Variants in LARP1B observed in about 807,000 individuals in gnomAD.
LARP1B encodes the protein la-related protein 1B.
Under a neutral mutation model 114.2 loss-of-function variants are expected in LARP1B, and 76 were observed. That is an observed-to-expected ratio of 0.67 (90% CI 0.55 to 0.81). LARP1B has a LOEUF of 0.81. Ranked by LOEUF, LARP1B falls within the 30% of genes least tolerant of loss-of-function variation. The probability of loss-of-function intolerance (pLI) is 0.00; values close to 1 mark genes in which losing one functional copy is unlikely to be tolerated. For missense variants in LARP1B, 1,014 were observed against 1,075.8 expected, an observed-to-expected ratio of 0.94 and a Z score of 0.80; for synonymous variants, 345 against 348.0, an observed-to-expected ratio of 0.99 and a Z score of 0.10.
At chr4:128,137,400 T>C (rs1019505615) in intron 11 of LARP1B, among the ~76,000 whole-genome samples, 1 of 152,216 alleles carries the variant, frequency 6.6e-6, no homozygotes, top group Non-Finnish European at 1.5e-5. Flanking sequence ...TTCCTATACA[T>C]TACATGCTTA....
At chr4:128,220,617 T>C (rs1265522653) in intron 7 of LARP1B, among the ~76,000 whole-genome samples, 3 of 152,352 alleles carry the variant, frequency 2.0e-5, no homozygotes, top group Admixed American at 2.0e-4. Flanking sequence ...TTAGTAAATA[T>C]ATATGATAAC....
intron 15 of LARP1B, among the ~76,000 whole-genome samples, chr4:128,188,930 G>C (rs1751281106): frequency 6.6e-6 from 1 of 152,096 alleles, no homozygotes; most frequent in Admixed American, 6.6e-5. Flanking sequence ...TTTTATCCTG[G>C]AGAATGTTCC....
intron 17 of LARP1B, 145 bp downstream of exon 17, chr4:128,200,810 G>A (rs1310421134): frequency 1.5e-5 from 8 of 541,578 alleles, no homozygotes; most frequent in African/African-American, 2.0e-5. Flanking sequence ...AACCGTGAAA[G>A]TAGCACAATA....
At chr4:128,081,012 T>C (rs1434517084) in intron 4 of LARP1B, among the ~76,000 whole-genome samples, 1 of 151,780 alleles carries the variant, frequency 6.6e-6, no homozygotes, top group Non-Finnish European at 1.5e-5. Context: ...AATTTTAAAT[T>C]AAACAGATTT....
intron 9 of LARP1B, chr4:128,108,912 C>A: frequency 3.0e-5 from 27 of 889,494 alleles, no homozygotes; most frequent in Non-Finnish European, 3.6e-5. Context: ...TAATGTTGTA[C>A]ATTTTTGTGT....
At chr4:128,129,028 G>C (rs576150505) in intron 11 of LARP1B, among the ~76,000 whole-genome samples, 5 of 151,884 alleles carry the variant, frequency 3.3e-5, no homozygotes, top group African/African-American at 1.2e-4. Context: ...AGCCAGGCGT[G>C]ATGGTGGGCG....
intron 10 of LARP1B, among the ~76,000 whole-genome samples, chr4:128,118,271 C>G (rs1324235348): frequency 8.0e-6 from 1 of 125,022 alleles, no homozygotes; most frequent in Non-Finnish European, 1.7e-5. Context: ...CTTGCCCTGT[C>G]ACTAGGCTGG....
intron 11 of LARP1B, among the ~76,000 whole-genome samples, chr4:128,140,887 C>T (rs1444815280): frequency 1.3e-5 from 2 of 148,612 alleles, no homozygotes. Context: ...GTGATCTCGG[C>T]TCACTGCAAC....
chr4:128,088,882 G>A lies in LARP1B; in HGVS notation c.359-2119G>A, dbSNP rs562312154. Reference sequence around the variant, plus strand: ...TTGGGAGCGGGAGGTGGCTTGATCTGGGAGGGGGAGGTGGGTGGATCGCTT... The same window carrying A: ...TTGGGAGCGGGAGGTGGCTTGATCTAGGAGGGGGAGGTGGGTGGATCGCTT... On this transcript the variant is annotated intron_variant, in intron 5 of 19. Coordinates refer to ENST00000326639, the MANE Select transcript of LARP1B (RefSeq NM_018078.4). 5.9e-5 allele frequency among the ~76,000 whole-genome samples: 9 copies of A among 152,160 alleles called. No individual in the cohort carries two copies. The East Asian group carries it at 1.5e-3, about 26-fold the overall frequency.
In LARP1B at chr4:128,123,175, C is replaced by T. The variant is rs534677095; in HGVS notation, c.1524+987C>T. On this transcript the variant is annotated intron_variant, in intron 11 of 19. Transcript: ENST00000326639. ...CTCATTTCTTTTCTTCCTGGAATCCCCAGTACTGCTTTTAGCCTTCTGTAA... is the reference window on the plus strand; with the variant it reads ...CTCATTTCTTTTCTTCCTGGAATCCTCAGTACTGCTTTTAGCCTTCTGTAA... 38 of 985,386 alleles carry T rather than the reference C, an allele frequency of 3.9e-5. No homozygotes were observed. In the South Asian group the frequency reaches 1.5e-3, roughly 39 times the overall value. 61.0% of individuals were successfully genotyped at this position (985,386 alleles called of 1,614,324 possible).
chr4:128,100,787 T>C (rs1251267479), intron 8 of LARP1B, among the ~76,000 whole-genome samples: 1 of 151,906 alleles, frequency 6.6e-6, no homozygotes, highest in Admixed American at 6.6e-5. Context: ...TTTTTGTCTT[T>C]TCATTTTCTT....
chr4:128,064,034 G>C (rs1352374910), intron 1 of LARP1B, among the ~76,000 whole-genome samples: 2 of 152,110 alleles, frequency 1.3e-5, no homozygotes, highest in Non-Finnish European at 2.9e-5. Context: ...CACTTTGGGA[G>C]GCCGAGGCGG....
rs534228051 is a variant in LARP1B at position 128,207,423 on chromosome 4, A to G, written c.2547+40A>G. ...ATTTCCTCTATTCTTTTTATTATCC[A>G]TATATTTCAGTCTCTTATCAGTGAC... On this transcript the variant is annotated intron_variant, in intron 19 of 19. Transcript: ENST00000326639. 200 of 1,346,892 alleles carry G rather than the reference A, an allele frequency of 1.5e-4. 1 individual carries two copies. In the Admixed American group the frequency reaches 5.4e-3, roughly 36 times the overall value. 83.4% of individuals were successfully genotyped at this position (1,346,892 alleles called of 1,614,324 possible). A position where few individuals can be genotyped will look rare whatever the true frequency, so the allele number is the denominator to read the frequency against.
chr4:128,192,864 G>A (rs533092690), intron 15 of LARP1B, among the ~76,000 whole-genome samples: 1 of 150,468 alleles, frequency 6.6e-6, no homozygotes, highest in Non-Finnish European at 1.5e-5. Context: ...ACAGAGTCTC[G>A]ATCTTTCACC....
intron 1 of LARP1B, among the ~76,000 whole-genome samples, chr4:128,065,335 C>CTTT: frequency 8.5e-6 from 1 of 118,054 alleles, no homozygotes; most frequent in African/African-American, 3.6e-5. Context: ...CTCTCTCTTT[C>CTTT]CTTTCTTTTC....
chr4:128,110,915 A>C (rs1359419485), intron 9 of LARP1B, among the ~76,000 whole-genome samples: 1 of 151,984 alleles, frequency 6.6e-6, no homozygotes, highest in Non-Finnish European at 1.5e-5. Flanking sequence ...ATTTAGAGAT[A>C]ATTTTATAAG....
intron 12 of LARP1B, among the ~76,000 whole-genome samples, chr4:128,171,222 G>C (rs948703954): frequency 9.2e-5 from 14 of 151,914 alleles, no homozygotes; most frequent in Non-Finnish European, 1.6e-4. Context: ...TCATACTGCT[G>C]GGTTCAAGCA....
At chr4:128,159,722 T>C (rs1737550010) in intron 11 of LARP1B, among the ~76,000 whole-genome samples, 1 of 152,182 alleles carries the variant, frequency 6.6e-6, no homozygotes, top group Non-Finnish European at 1.5e-5. Flanking sequence ...CACACATTGG[T>C]GCAGATGTAG....
chr4:128,186,492 A>G (rs1346146021), intron 15 of LARP1B, among the ~76,000 whole-genome samples: 2 of 152,044 alleles, frequency 1.3e-5, no homozygotes, highest in Non-Finnish European at 2.9e-5. Context: ...TTTTTTGTAT[A>G]TTGATTTTGT....
Sources: gnomAD v4.1 joint callset for allele counts (sites outside exome capture counted in the v4.1 genomes callset) on GRCh38, gnomAD v4.1.1 for gene constraint, MANE v1.5 for transcripts, NCBI Gene and HGNC (gene_info 2026-07-23, HGNC 2026-07-21) for gene names.